Variants in DVL3 observed in about 807,000 individuals in gnomAD.
DVL3 encodes the protein dishevelled segment polarity protein 3.
In DVL3, 27 loss-of-function variants were observed where a neutral mutation model predicts 67.4. That is an observed-to-expected ratio of 0.40 (90% CI 0.30 to 0.55). The LOEUF (loss-of-function observed/expected upper bound fraction) is 0.55, where lower values mean the gene tolerates loss of function less well. DVL3 is among the 20% of genes least tolerant of loss of function. DVL3 has a pLI of 0.46. For synonymous variants in DVL3, 369 were observed against 396.8 expected, an observed-to-expected ratio of 0.93 and a Z score of 0.83; for missense variants, 819 against 1,021.5, an observed-to-expected ratio of 0.80 and a Z score of 2.70.
chr3:184,156,565 ATCTTCCCCTCCCTGGTGGGG>A (rs1714196717), intron 1 of DVL3: 1 of 432,968 alleles, frequency 2.3e-6, no homozygotes, highest in Non-Finnish European at 4.6e-6. Context: ...GGTGTTCTCT[ATCTTCCCCTCCCTGGTGGGG>A]TCTTCCCTTC....
At position 184,167,040 on chromosome 3, in the gene DVL3, C is replaced by T; in HGVS notation, c.1198+65C>T. ...GCCAGGTGGGGGGACTGATGAGGGT[C>T]CATGTGGAGACTCTTGCTTGAGCAT... On this transcript the variant is annotated intron_variant, in intron 11 of 14. Coordinates refer to ENST00000313143, the MANE Select transcript of DVL3 (RefSeq NM_004423.4). This position sits in a 1 kb window ranked among gnomAD's most constrained non-coding sequence, Gnocchi z 4.6. 1 of 1,569,274 alleles carries T rather than the reference C, an allele frequency of 6.4e-7. No individual in the cohort carries two copies. Among genetic ancestry groups the T allele is most frequent in the Non-Finnish European group, 8.7e-7 (1 of 1,150,188 alleles).
rs1211835302 is a variant in DVL3 at position 184,166,184 on chromosome 3, C to T, written c.822C>T (p.Gly274=). ...GCCAAAGCAACGAGCGTGGTGACGGCGGCATCTACATTGGCTCTATCATGA... is the reference window on the plus strand; with the variant it reads ...GCCAAAGCAACGAGCGTGGTGACGGTGGCATCTACATTGGCTCTATCATGA... ...IVGQSNERGD[G]GIYIGSIMKG... is the part of the protein sequence containing the mutation. Residue 274 remains glycine, a synonymous_variant, in exon 8 of 15, where the codon GGC becomes GGT. Coordinates refer to ENST00000313143, the MANE Select transcript of DVL3 (RefSeq NM_004423.4). The surrounding 1 kb of genome is among the most constrained non-coding windows in gnomAD (Gnocchi z 6.7). 10 of 1,613,662 alleles carry T rather than the reference C, an allele frequency of 6.2e-6. No homozygotes were observed. Among genetic ancestry groups the T allele is most frequent in the Non-Finnish European group, 7.6e-6 (9 of 1,179,906 alleles).
intron 1 of DVL3, chr3:184,156,338 T>C (rs1428262327): frequency 2.2e-6 from 1 of 456,650 alleles, no homozygotes; most frequent in Admixed American, 2.3e-5. Context: ...GAGCGGGGTC[T>C]GCAGATCTGA....
In DVL3 at chr3:184,166,725, C is replaced by T; in HGVS notation, c.1048+52C>T. 6.2e-7 allele frequency: 1 copy of T among 1,612,048 alleles called. No homozygotes were observed. The highest frequency in any genetic ancestry group is 8.5e-7 in the Non-Finnish European group (1 of 1,178,840). On this transcript the variant is annotated intron_variant, in intron 10 of 14. Coordinates refer to ENST00000313143, the MANE Select transcript of DVL3 (RefSeq NM_004423.4). This position sits in a 1 kb window ranked among gnomAD's most constrained non-coding sequence, Gnocchi z 6.7. Reference sequence around the variant, plus strand: ...AAGCTGGTGCTTACATACATGAGCACTGTCTCTCCTTTCTTCTCTCACCCA... The same window carrying T: ...AAGCTGGTGCTTACATACATGAGCATTGTCTCTCCTTTCTTCTCTCACCCA...
chr3:184,170,954 C>T lies in DVL3; in HGVS notation c.*199C>T, dbSNP rs1032129800. On this transcript the variant is annotated 3_prime_UTR_variant, in exon 15 of 15. Transcript: ENST00000313143. The surrounding 1 kb of genome is among the most constrained non-coding windows in gnomAD (Gnocchi z 6.5). ...GGCTCTGCAGCCCCCTAACCTGCCT[C>T]TGGCCCCAGTTCGTTTCCTCTGCCC... 4 of 1,530,770 alleles carry T rather than the reference C, an allele frequency of 2.6e-6. No homozygotes were observed. Among genetic ancestry groups the T allele is most frequent in the Non-Finnish European group, 3.5e-6 (4 of 1,141,686 alleles). 94.8% of individuals were successfully genotyped at this position (1,530,770 alleles called of 1,614,324 possible).
In DVL3 at chr3:184,165,321, T is replaced by C; in HGVS notation, c.694-101T>C. Reference sequence around the variant, plus strand: ...CCCCCTAGTGCAGTGTTGAGAACCTTGGGGCTGGGGGCTGCACCGGGGACT... The same window carrying C: ...CCCCCTAGTGCAGTGTTGAGAACCTCGGGGCTGGGGGCTGCACCGGGGACT... On this transcript the variant is annotated intron_variant, in intron 6 of 14. Coordinates refer to ENST00000313143, the MANE Select transcript of DVL3 (RefSeq NM_004423.4). This position sits in a 1 kb window ranked among gnomAD's most constrained non-coding sequence, Gnocchi z 4.1. The C allele has an allele frequency of 6.5e-7, 1 of 1,544,674 alleles. No homozygotes were observed. Among genetic ancestry groups the C allele is most frequent in the Non-Finnish European group, 8.9e-7 (1 of 1,128,140 alleles).
chr3:184,165,814 TG>T lies in DVL3; in HGVS notation c.764-310del, dbSNP rs1257487604. Among the ~76,000 whole-genome samples, 1 of 152,208 alleles carries T rather than the reference TG, an allele frequency of 6.6e-6. No homozygotes were observed. Among genetic ancestry groups the T allele is most frequent in the African/African-American group, 2.4e-5 (1 of 41,446 alleles). On this transcript the variant is annotated intron_variant, in intron 7 of 14. Transcript: ENST00000313143. The surrounding 1 kb of genome is among the most constrained non-coding windows in gnomAD (Gnocchi z 4.1). ...CTAGGTACTCTCTTTATGAGACAGC[TG>T]GATATAGTAAAAGGAGCCCAACTAT...
rs934221378 is a variant in DVL3 at position 184,164,348 on chromosome 3, C to T, written c.313C>T (p.Arg105Cys). The change falls in exon 3 of 15, where the codon CGC becomes TGC. Residue 105 changes from arginine (R) to cysteine (C), a missense_variant. By Grantham distance (180) the Arg-to-Cys change is radical (BLOSUM62 -3). Coordinates refer to ENST00000313143, the MANE Select transcript of DVL3 (RefSeq NM_004423.4). The surrounding 1 kb of genome is among the most constrained non-coding windows in gnomAD (Gnocchi z 5.3). ...NPSELPPPME[R>C]TGGIGDSRPP... ...ATCGGAGCTGCCACCACCTATGGAG[C>T]GCACGGGAGGCATCGGGGACTCCCG... is the stretch of plus-strand genomic sequence containing the variant. 6 of 1,614,102 alleles carry T rather than the reference C, an allele frequency of 3.7e-6. No homozygotes were observed. Among genetic ancestry groups the T allele is most frequent in the Admixed American group, 3.3e-5 (2 of 60,012 alleles).
In DVL3 at chr3:184,171,502, T is replaced by A. The variant is rs1714838057; in HGVS notation, c.*747T>A. ...TACTAACCAGCAGGCTCATCTCACC[T>A]CCAGGCCTGAAACATTTCTTTTCTT... is the stretch of plus-strand genomic sequence containing the variant. On this transcript the variant is annotated 3_prime_UTR_variant, in exon 15 of 15. Transcript: ENST00000313143. The A allele has an allele frequency of 1.0e-6, 1 of 985,952 alleles. No homozygotes were observed. Among genetic ancestry groups the A allele is most frequent in the Middle Eastern group, 5.2e-4 (1 of 1,914 alleles). The allele number at this position is 985,952 out of a possible 1,614,324, so 61.1% of individuals were successfully genotyped here. A position where few individuals can be genotyped will look rare whatever the true frequency, so the allele number is the denominator to read the frequency against.
Position 184,171,157 on chromosome 3 carries a change from T to C in DVL3, c.*402T>C, listed in dbSNP as rs2109024475. 1 of 1,157,110 alleles carries C rather than the reference T, an allele frequency of 8.6e-7. No homozygotes were observed. Among genetic ancestry groups the C allele is most frequent in the East Asian group, 7.2e-5 (1 of 13,918 alleles). The allele number at this position is 1,157,110 out of a possible 1,614,324, so 71.7% of individuals were successfully genotyped here. On this transcript the variant is annotated 3_prime_UTR_variant, in exon 15 of 15. Transcript: ENST00000313143. Reference sequence around the variant, plus strand: ...CCCTTTAGCTCCCTTTCACCATTTATTCAGCTACATCATCCCTCTATTAAC... The same window carrying C: ...CCCTTTAGCTCCCTTTCACCATTTACTCAGCTACATCATCCCTCTATTAAC...
Position 184,170,361 on chromosome 3 carries a change from G to A in DVL3, c.1757G>A (p.Arg586Lys). ...TCCAACCGTAGCGGCAGCGATCGGA[G>A]GAAGGAGAAGGACCCGAAGGCCGGG... is the stretch of plus-strand genomic sequence containing the variant. ...SGSNRSGSDR[R>K]KEKDPKAGDS... The change falls in exon 15 of 15, where the codon AGG (arginine) becomes AAG (lysine). Residue 586 changes from arginine to lysine, a missense_variant. Arg to Lys is a conservative substitution (Grantham distance 26). This residue lies in a region of DVL3 where 324 missense variants were observed against 331.3 expected (regional missense o/e 0.98). Coordinates refer to ENST00000313143, the MANE Select transcript of DVL3 (RefSeq NM_004423.4). The surrounding 1 kb of genome is among the most constrained non-coding windows in gnomAD (Gnocchi z 6.5). 6.2e-7 allele frequency: 1 copy of A among 1,605,854 alleles called. No individual in the cohort carries two copies. Among genetic ancestry groups the A allele is most frequent in the South Asian group, 1.1e-5 (1 of 90,100 alleles).
Position 184,170,334 on chromosome 3 carries a change from G to A in DVL3, c.1730G>A (p.Gly577Asp). ...SQHSEGSRSS[G>D]SNRSGSDRRK... is the part of the protein sequence containing the mutation. Reference sequence around the variant, plus strand: ...CCTCCTACAGGCAGTCGGAGCAGTGGCTCCAACCGTAGCGGCAGCGATCGG... The same window carrying A: ...CCTCCTACAGGCAGTCGGAGCAGTGACTCCAACCGTAGCGGCAGCGATCGG... The change falls in exon 15 of 15, where the codon GGC becomes GAC. Residue 577 changes from glycine (G) to aspartate (D), a missense_variant. By Grantham distance (94) the Gly-to-Asp change is moderately conservative. This residue lies in a region of DVL3 where 324 missense variants were observed against 331.3 expected (regional missense o/e 0.98). Transcript: ENST00000313143. This position sits in a 1 kb window ranked among gnomAD's most constrained non-coding sequence, Gnocchi z 6.5. 1 of 1,603,336 alleles carries A rather than the reference G, an allele frequency of 6.2e-7. No homozygotes were observed. The highest frequency in any genetic ancestry group is 1.1e-5 in the South Asian group (1 of 89,854).
chr3:184,166,884 C>T lies in DVL3; in HGVS notation c.1107C>T (p.Thr369=), dbSNP rs760741999. 25 of 1,614,008 alleles carry T rather than the reference C, an allele frequency of 1.5e-5. No homozygotes were observed. Among genetic ancestry groups the T allele is most frequent in the Admixed American group, 5.0e-5 (3 of 59,992 alleles). ...GGGTCTCCCACACTGCAGCCATGAC[C>T]GGCACCTTCCCTGCATACGGCATGA... ...AAWVSHTAAM[T]GTFPAYGMSP... Residue 369 remains threonine, a synonymous_variant, in exon 11 of 15, where the codon ACC becomes ACT. Transcript: ENST00000313143. This position sits in a 1 kb window ranked among gnomAD's most constrained non-coding sequence, Gnocchi z 6.7.
rs1348725083 is a variant in DVL3 at position 184,165,184 on chromosome 3, A to C, written c.671A>C (p.Gln224Pro). Residue 224 changes from glutamine to proline, a missense_variant, in exon 6 of 15, where the codon CAG becomes CCG. Physicochemically the swap from Gln to Pro is moderately conservative, Grantham distance 76. Transcript: ENST00000313143. This position sits in a 1 kb window ranked among gnomAD's most constrained non-coding sequence, Gnocchi z 4.1. The part of the protein sequence containing the change: ...MRRHKRRRRK[Q>P]KVSRIERSSS... The stretch of plus-strand genomic sequence containing the variant: ...AGACACAAGCGGCGGCGGCGGAAGC[A>C]GAAGGTTTCTCGGATTGAGCGGGTA... 2 of 1,601,520 alleles carry C rather than the reference A, an allele frequency of 1.2e-6. No individual in the cohort carries two copies. Among genetic ancestry groups the C allele is most frequent in the Non-Finnish European group, 1.7e-6 (2 of 1,173,792 alleles).
At position 184,165,616 on chromosome 3, in the gene DVL3, A is replaced by G. The variant is rs958472295; in HGVS notation, c.763+125A>G. On this transcript the variant is annotated intron_variant, in intron 7 of 14. Transcript: ENST00000313143. This position sits in a 1 kb window ranked among gnomAD's most constrained non-coding sequence, Gnocchi z 4.1. The stretch of plus-strand genomic sequence containing the variant: ...AGCTCTCTTTCGTAAACATCAGCTG[A>G]TACATAAACTGATCATTTTAGTATC... The G allele has an allele frequency of 3.9e-6, 3 of 773,306 alleles. No homozygotes were observed. The highest frequency in any genetic ancestry group is 3.4e-5 in the African/African-American group (2 of 58,504). The allele number at this position is 773,306 out of a possible 1,614,324, so 47.9% of individuals were successfully genotyped here.
At position 184,164,951 on chromosome 3, in the gene DVL3, G is replaced by T; in HGVS notation, c.599+20G>T. 1 of 1,614,004 alleles carries T rather than the reference G, an allele frequency of 6.2e-7. No individual in the cohort carries two copies. The highest frequency in any genetic ancestry group is 8.5e-7 in the Non-Finnish European group (1 of 1,179,922). ...CAGCAGGTGGGGCTTGAGTTTCATG[G>T]GTATTGTGGGGCAGGTGACCCTGGA... On this transcript the variant is annotated intron_variant, in intron 5 of 14. Transcript: ENST00000313143. The surrounding 1 kb of genome is among the most constrained non-coding windows in gnomAD (Gnocchi z 5.3).
rs1241094306 is a variant in DVL3 at position 184,170,202 on chromosome 3, C to T, written c.1695C>T (p.Ala565=). ...ELGYSYGGGS[A]SSQHSEGSRS... is the part of the protein sequence containing the mutation. Reference sequence around the variant, plus strand: ...GCTACAGCTACGGCGGGGGCAGCGCCAGCAGTCAGCACAGCGAAGGTAAGG... The same window carrying T: ...GCTACAGCTACGGCGGGGGCAGCGCTAGCAGTCAGCACAGCGAAGGTAAGG... Residue 565 remains alanine (A), a synonymous_variant, in exon 14 of 15, where the codon GCC becomes GCT. Coordinates refer to ENST00000313143, the MANE Select transcript of DVL3 (RefSeq NM_004423.4). This position sits in a 1 kb window ranked among gnomAD's most constrained non-coding sequence, Gnocchi z 6.5. The T allele has an allele frequency of 1.2e-6, 2 of 1,611,416 alleles. No individual in the cohort carries two copies. Among genetic ancestry groups the T allele is most frequent in the African/African-American group, 1.3e-5 (1 of 74,942 alleles).
At chr3:184,169,975 A>T (rs368495706) in intron 13 of DVL3, 31 bp from the exon 14 acceptor site, 2 of 1,569,658 alleles carry the variant, frequency 1.3e-6, no homozygotes, top group African/African-American at 2.7e-5. Flanking sequence ...CTCCGGAAAG[A>T]CCTAGCTCCA....
In DVL3 at chr3:184,170,790, C is replaced by A. The variant is rs750440761; in HGVS notation, c.*35C>A. ...CTCCCCCAGCTCCATTCCGCTCCCACCCCAGCCGGCTGCGTTCCTCTCTCC... is the reference window on the plus strand; with the variant it reads ...CTCCCCCAGCTCCATTCCGCTCCCAACCCAGCCGGCTGCGTTCCTCTCTCC... On this transcript the variant is annotated 3_prime_UTR_variant, in exon 15 of 15. Coordinates refer to ENST00000313143, the MANE Select transcript of DVL3 (RefSeq NM_004423.4). This position sits in a 1 kb window ranked among gnomAD's most constrained non-coding sequence, Gnocchi z 6.5. The A allele has an allele frequency of 3.1e-6, 5 of 1,609,166 alleles. No individual in the cohort carries two copies. The East Asian group carries it at 1.1e-4, about 36-fold the overall frequency.
Sources: gnomAD v4.1 joint callset for allele counts (sites outside exome capture counted in the v4.1 genomes callset) on GRCh38, gnomAD v4.1.1 for gene constraint, gnomAD v4.1.1 regional missense constraint, Gnocchi (gnomAD v3.1) non-coding constraint, MANE v1.5 for transcripts, NCBI Gene and HGNC (gene_info 2026-07-23, HGNC 2026-07-21) for gene names.